Variants in PCSK6 observed in about 807,000 individuals in gnomAD.
The protein encoded by PCSK6 is proprotein convertase subtilisin/kexin type 6.
Under a neutral mutation model 123.3 loss-of-function variants are expected in PCSK6, and 85 were observed. The ratio of observed to expected loss-of-function variants is 0.69; its 90% CI spans 0.58 to 0.83. The LOEUF (loss-of-function observed/expected upper bound fraction) is 0.83. Ranked by LOEUF, PCSK6 falls within the 40% of genes least tolerant of loss-of-function variation. The pLI is 0.00. For missense variants in PCSK6, 1,191 were observed against 1,282.3 expected (o/e 0.93, Z 1.09); for synonymous variants, 508 against 516.0 (o/e 0.98, Z 0.21).
chr15:101,345,546 T>G lies in PCSK6; in HGVS notation c.1859-13515A>C, dbSNP rs1292859199. Among the ~76,000 whole-genome samples, 5 of 152,226 alleles carry G rather than the reference T, an allele frequency of 3.3e-5. No individual in the cohort carries two copies. The East Asian group carries it at 9.6e-4, about 29-fold the overall frequency. Reference sequence around the variant, plus strand: ...TGAAACAGCAGGCCAGAAAAAAAATTTATATGAATTACGACACACACAGGG... The same window carrying G: ...TGAAACAGCAGGCCAGAAAAAAAATGTATATGAATTACGACACACACAGGG... On this transcript the variant is annotated intron_variant, in intron 13 of 21. Coordinates refer to ENST00000611716, the MANE Select transcript of PCSK6 (RefSeq NM_002570.5).
chr15:101,345,381 G>C (rs1449370401), intron 13 of PCSK6, among the ~76,000 whole-genome samples: 1 of 151,916 alleles, frequency 6.6e-6, no homozygotes, highest in Non-Finnish European at 1.5e-5. Context: ...ATTTTTTAGA[G>C]ACACTAATAT....
At chr15:101,440,167 T>C (rs780911492) in intron 2 of PCSK6, among the ~76,000 whole-genome samples, 6 of 152,212 alleles carry the variant, frequency 3.9e-5, no homozygotes, top group Non-Finnish European at 8.8e-5. Flanking sequence ...TCAGTTTGCT[T>C]AAATGACAAG....
At chr15:101,438,899 G>A (rs577891494) in intron 2 of PCSK6, among the ~76,000 whole-genome samples, 3 of 152,354 alleles carry the variant, frequency 2.0e-5, no homozygotes, top group African/African-American at 7.2e-5. Flanking sequence ...GGAAGGTGGG[G>A]AAGAGAGCAA....
chr15:101,483,471 C>T (rs903758223), intron 1 of PCSK6, among the ~76,000 whole-genome samples: 5 of 152,196 alleles, frequency 3.3e-5, no homozygotes, highest in African/African-American at 9.7e-5. Flanking sequence ...AGCCAGCCTG[C>T]CTTTTTATGT....
intron 13 of PCSK6, chr15:101,347,217 C>A (rs560549139): frequency 8.1e-7 from 1 of 1,231,904 alleles, no homozygotes; most frequent in East Asian, 3.2e-5. Flanking sequence ...GCATCAAGCA[C>A]AGGATAGATT....
At chr15:101,476,739 C>T (rs1413295245) in intron 1 of PCSK6, among the ~76,000 whole-genome samples, 1 of 152,094 alleles carries the variant, frequency 6.6e-6, no homozygotes, top group Non-Finnish European at 1.5e-5. Flanking sequence ...GCTTTGTACA[C>T]CTGCACTGTG....
chr15:101,410,134 T>G (rs2101817), intron 6 of PCSK6, among the ~76,000 whole-genome samples: 1 of 152,092 alleles, frequency 6.6e-6, no homozygotes, highest in African/African-American at 2.4e-5. Flanking sequence ...GGTCTCACTA[T>G]GTTGTTGAGG....
intron 1 of PCSK6, among the ~76,000 whole-genome samples, chr15:101,476,837 C>T (rs1229310114): frequency 3.3e-5 from 5 of 152,078 alleles, no homozygotes; most frequent in Admixed American, 6.5e-5. Context: ...TAAAAATGCT[C>T]GATAAAATCC....
rs112578363 is a variant in PCSK6, at chr15:101,353,788, T to G, written c.1858+12408A>C. Among the ~76,000 whole-genome samples, 1,242 of 152,046 alleles carry G rather than the reference T, an allele frequency of 8.2e-3. 11 individuals are homozygous for G. The highest frequency in any genetic ancestry group is 0.029 in the African/African-American group (1,185 of 41,468). ...GGCGTGGAGACCTCACCAGGTTGGGTTGAGGTGAGGGTGGCCCTGAGCTTG... is the reference window on the plus strand; with the variant it reads ...GGCGTGGAGACCTCACCAGGTTGGGGTGAGGTGAGGGTGGCCCTGAGCTTG... On this transcript the variant is annotated intron_variant, in intron 13 of 21. Coordinates refer to ENST00000611716, the MANE Select transcript of PCSK6 (RefSeq NM_002570.5).
intron 18 of PCSK6, among the ~76,000 whole-genome samples, chr15:101,320,819 T>G (rs1233231989): frequency 6.6e-6 from 1 of 152,156 alleles, no homozygotes; most frequent in Non-Finnish European, 1.5e-5. Flanking sequence ...AAACGGAAGC[T>G]CTCTGTGGCT....
chr15:101,339,875 A>G (rs527462915), intron 13 of PCSK6, among the ~76,000 whole-genome samples: 29 of 151,902 alleles, frequency 1.9e-4, no homozygotes, highest in African/African-American at 7.0e-4. Context: ...TGCACACTAC[A>G]TTCCAGCCTG....
chr15:101,454,117 G>T (rs1021485113), intron 1 of PCSK6, among the ~76,000 whole-genome samples: 5 of 152,196 alleles, frequency 3.3e-5, no homozygotes, highest in African/African-American at 1.2e-4. Flanking sequence ...AGGCTACAAG[G>T]TTTTTAAAAA....
chr15:101,393,438 A>G lies in PCSK6; in HGVS notation c.997-14T>C. 1 of 1,598,640 alleles carries G rather than the reference A, an allele frequency of 6.3e-7. No homozygotes were observed. On this transcript the variant is annotated splice_polypyrimidine_tract_variant and intron_variant, in intron 7 of 21. Coordinates refer to ENST00000611716, the MANE Select transcript of PCSK6 (RefSeq NM_002570.5). ...GCCCTGCCGGCCCTGGAGGGACAAG[A>G]GGAACAAGGCTTAGCCCCGCAGCAG...
chr15:101,312,836 A>C (rs996263814), intron 20 of PCSK6, among the ~76,000 whole-genome samples: 1 of 151,910 alleles, frequency 6.6e-6, no homozygotes, highest in Non-Finnish European at 1.5e-5. Flanking sequence ...TCTCAAAAAA[A>C]ACGAAAACAA....
intron 11 of PCSK6, among the ~76,000 whole-genome samples, chr15:101,376,134 C>T (rs1254571332): frequency 6.6e-6 from 1 of 152,064 alleles, no homozygotes; most frequent in Non-Finnish European, 1.5e-5. Context: ...ACTCTGTCAC[C>T]CAGGCTGGGG....
intron 2 of PCSK6, 63 bp from the exon 3 acceptor site, chr15:101,432,163 T>C: frequency 7.4e-7 from 1 of 1,351,804 alleles, no homozygotes; most frequent in Non-Finnish European, 1.0e-6. Context: ...ATGTAGCCTC[T>C]TTGCAGGTGC....
intron 20 of PCSK6, chr15:101,312,961 C>G (rs1189592850): frequency 9.9e-7 from 1 of 1,014,570 alleles, no homozygotes; most frequent in Non-Finnish European, 1.2e-6. Context: ...GCTGAGGTCA[C>G]ACCAGTGCAC....
chr15:101,382,524 C>T (rs945731738), intron 10 of PCSK6, among the ~76,000 whole-genome samples: 5 of 152,138 alleles, frequency 3.3e-5, no homozygotes, highest in Admixed American at 2.6e-4. Context: ...GGTTCCTTTA[C>T]ATTAAAAGGG....
chr15:101,448,714 C>G (rs1479006828), intron 1 of PCSK6, among the ~76,000 whole-genome samples: 1 of 152,234 alleles, frequency 6.6e-6, no homozygotes, highest in South Asian at 2.1e-4. Context: ...AGTCAATGAA[C>G]AGTCAGGATT....
Sources: gnomAD v4.1 joint callset for allele counts (sites outside exome capture counted in the v4.1 genomes callset) on GRCh38, gnomAD v4.1.1 for gene constraint, MANE v1.5 for transcripts, NCBI Gene and HGNC (gene_info 2026-07-23, HGNC 2026-07-21) for gene names.